The following PALLD variants were observed in gnomAD, a reference collection of about 807,000 sequenced individuals.
PALLD encodes palladin, cytoskeletal associated protein.
A neutral mutation model predicts 123.5 loss-of-function variants in PALLD; 61 were observed. That is an observed-to-expected ratio of 0.49 (90% CI 0.40 to 0.61). PALLD has a LOEUF of 0.61. Among genes scored for constraint, PALLD ranks in the 20% least tolerant of loss-of-function variants. The pLI is 0.00. For synonymous variants in PALLD, 465 were observed against 496.4 expected, an observed-to-expected ratio of 0.94 and a Z score of 0.84; for missense variants, 1,273 against 1,377.0, an observed-to-expected ratio of 0.92 and a Z score of 1.20.
chr4:168,649,735 A>G (rs1777841629), intron 2 of PALLD, among the ~76,000 whole-genome samples: 1 of 152,240 alleles, frequency 6.6e-6, no homozygotes, highest in Admixed American at 6.5e-5. Flanking sequence ...AGGAATGAGG[A>G]AATAATAATG....
chr4:168,510,188 A>G (rs1762404695), intron 1 of PALLD, among the ~76,000 whole-genome samples: 1 of 152,234 alleles, frequency 6.6e-6, no homozygotes, highest in Non-Finnish European at 1.5e-5. Flanking sequence ...ATATATAGCA[A>G]AAGAATGGCA....
chr4:168,802,543 A>G (rs918222103), intron 10 of PALLD, among the ~76,000 whole-genome samples: 2 of 152,208 alleles, frequency 1.3e-5, no homozygotes, highest in African/African-American at 4.8e-5. Context: ...ATGGACATAA[A>G]CATGGGAAAA....
intron 6 of PALLD, among the ~76,000 whole-genome samples, chr4:168,689,978 TGAGGGACAACAAAGGCAG>T (rs1334187224): frequency 6.6e-6 from 1 of 152,042 alleles, no homozygotes; most frequent in Non-Finnish European, 1.5e-5. Flanking sequence ...TGGAGTGCGG[TGAGGGACAACAAAGGCAG>T]GAGCAAAGAA....
At chr4:168,900,648 C>T (rs759237657) in intron 14 of PALLD, among the ~76,000 whole-genome samples, 7 of 152,108 alleles carry the variant, frequency 4.6e-5, no homozygotes, top group South Asian at 2.1e-4. Context: ...TGAATCGCAA[C>T]GCCAAAGTCA....
intron 2 of PALLD, among the ~76,000 whole-genome samples, chr4:168,569,466 T>C (rs960627829): frequency 1.7e-4 from 26 of 152,164 alleles, no homozygotes; most frequent in Admixed American, 1.6e-3. Context: ...GGCTGAAGTT[T>C]GCTTCAAGAA....
intron 10 of PALLD, among the ~76,000 whole-genome samples, chr4:168,886,393 G>A (rs890038373): frequency 1.3e-5 from 2 of 152,144 alleles, no homozygotes; most frequent in African/African-American, 4.8e-5. Flanking sequence ...TGTAATTCCA[G>A]CTCTTTGAAA....
Position 168,575,806 on chromosome 4 carries a change from T to A in PALLD, c.908+63394T>A, listed in dbSNP as rs185174383. ...CTAAGAAGTTTCCAAGTTATGCCAC[T>A]GCTATTGGCCTGGGGACCACTGTTG... is the stretch of plus-strand genomic sequence containing the variant. On this transcript the variant is annotated intron_variant, in intron 2 of 21. Coordinates refer to ENST00000505667, the MANE Select transcript of PALLD (RefSeq NM_001166108.2). Among the ~76,000 whole-genome samples the A allele has an allele frequency of 6.6e-5, 10 of 152,202 alleles. No individual in the cohort carries two copies. In the East Asian group the frequency reaches 1.9e-3, roughly 29 times the overall value.
At chr4:168,712,689 G>A (rs528031141) in intron 10 of PALLD, among the ~76,000 whole-genome samples, 2 of 152,282 alleles carry the variant, frequency 1.3e-5, no homozygotes, top group East Asian at 3.9e-4. Flanking sequence ...CCTGCCAGAG[G>A]TTAGTGGAAA....
At chr4:168,638,303 C>T (rs1247022956) in intron 2 of PALLD, among the ~76,000 whole-genome samples, 1 of 152,140 alleles carries the variant, frequency 6.6e-6, no homozygotes, top group African/African-American at 2.4e-5. Context: ...AAAGCGGAAA[C>T]CAAGGCTGTC....
chr4:168,629,017 ATT>A (rs550846487), intron 2 of PALLD, among the ~76,000 whole-genome samples: 10 of 139,832 alleles, frequency 7.2e-5, no homozygotes, highest in African/African-American at 7.9e-5. Flanking sequence ...TGCCTATAGT[ATT>A]TTTTTTTTTT....
intron 3 of PALLD, among the ~76,000 whole-genome samples, chr4:168,680,499 A>C (rs193058014): frequency 0.065 from 9,090 of 140,800 alleles, 542 homozygotes; most frequent in Admixed American, 0.13. Flanking sequence ...AAAAAAAAAA[A>C]AAAAAAAAAA....
intron 10 of PALLD, among the ~76,000 whole-genome samples, chr4:168,778,189 A>G (rs942246541): frequency 2.6e-5 from 4 of 152,080 alleles, no homozygotes; most frequent in Non-Finnish European, 4.4e-5. Context: ...TCCAGCCTCA[A>G]CTTTTGAAAA....
chr4:168,889,662 T>A (rs188178626), intron 10 of PALLD, among the ~76,000 whole-genome samples: 3 of 152,206 alleles, frequency 2.0e-5, no homozygotes, highest in African/African-American at 7.2e-5. Flanking sequence ...AATTTCTGAG[T>A]TAATGATTCT....
At chr4:168,613,634 C>T (rs1773943554) in intron 2 of PALLD, among the ~76,000 whole-genome samples, 1 of 152,178 alleles carries the variant, frequency 6.6e-6, no homozygotes, top group African/African-American at 2.4e-5. Flanking sequence ...AAGAATCCTA[C>T]CTCCTTTGGC....
At chr4:168,677,029 T>C (rs900975183) in intron 3 of PALLD, among the ~76,000 whole-genome samples, 1 of 152,026 alleles carries the variant, frequency 6.6e-6, no homozygotes, top group Admixed American at 6.6e-5. Flanking sequence ...AAAGTTAAGG[T>C]TTAGGCAGGT....
intron 10 of PALLD, among the ~76,000 whole-genome samples, chr4:168,802,903 G>A (rs1263149813): frequency 6.6e-6 from 1 of 152,116 alleles, no homozygotes; most frequent in African/African-American, 2.4e-5. Flanking sequence ...TGTTGCTGAG[G>A]CTGGTCTCGA....
chr4:168,890,926 T>C lies in PALLD; in HGVS notation c.1969T>C (p.Phe657Leu), dbSNP rs891678743. Residue 657 changes from phenylalanine (F) to leucine (L), a missense_variant, in exon 11 of 22, where the codon TTT (phenylalanine) becomes CTT (leucine). Physicochemically the swap from Phe to Leu is conservative, Grantham distance 22. Around this residue, in one of 2 missense-constraint regions of PALLD, gnomAD observed 944 missense variants for 954.5 expected, o/e 0.99. Coordinates refer to ENST00000505667, the MANE Select transcript of PALLD (RefSeq NM_001166108.2). Reference protein sequence around the residue: ...PPLLAKPKLGFPKKASRTARI... With the variant: ...PPLLAKPKLGLPKKASRTARI... ...CCTTGTGTTTTTATCCTGCAGAGGA[T>C]TTCCAAAGAAGGCCAGTAGAACTGC... The C allele has an allele frequency of 6.2e-7, 1 of 1,614,094 alleles. No individual in the cohort carries two copies. The highest frequency in any genetic ancestry group is 1.3e-5 in the African/African-American group (1 of 75,036).
At chr4:168,499,268 GA>G in intron 1 of PALLD, among the ~76,000 whole-genome samples, 1 of 57,986 alleles carries the variant, frequency 1.7e-5, no homozygotes, top group Non-Finnish European at 3.5e-5. Context: ...GGAAGGGAGG[GA>G]GGATGGGAGG....
intron 2 of PALLD, among the ~76,000 whole-genome samples, chr4:168,624,479 T>C (rs1775052943): frequency 6.6e-6 from 1 of 152,132 alleles, no homozygotes; most frequent in South Asian, 2.1e-4. Context: ...AAAGCCCACA[T>C]CATGCCCTGA....
Sources: gnomAD v4.1 joint callset for allele counts (sites outside exome capture counted in the v4.1 genomes callset) on GRCh38, gnomAD v4.1.1 for gene constraint, gnomAD v4.1.1 regional missense constraint, MANE v1.5 for transcripts, NCBI Gene and HGNC (gene_info 2026-07-23, HGNC 2026-07-21) for gene names.